The following SMS variants were observed in gnomAD, a reference collection of about 807,000 sequenced individuals.
The protein encoded by SMS is spermine synthase.
SMS carries 3 observed loss-of-function variants against 33.0 expected under a neutral mutation model. That is an observed-to-expected ratio of 0.09 (90% CI 0.04 to 0.23). SMS has a LOEUF of 0.23. Ranked by LOEUF, SMS falls within the 10% of genes least tolerant of loss-of-function variation. The probability of loss-of-function intolerance (pLI) is 1.00; values close to 1 mark genes in which losing one functional copy is unlikely to be tolerated. For synonymous variants in SMS, 103 were observed against 112.2 expected (o/e 0.92, Z 0.52); for missense variants, 117 against 288.6 (o/e 0.41, Z 4.31).
intron 1 of SMS, among the ~76,000 whole-genome samples, chrX:21,942,032 TG>T (rs1327322846): frequency 1.1e-5 from 1 of 94,116 alleles, no homozygotes; most frequent in Admixed American, 1.2e-4. Context: ...TCGTGGGGGG[TG>T]GGAGTCGCGG....
chrX:21,967,369 G>C, intron 2 of SMS, 53 bp downstream of exon 2: 1 of 1,179,707 alleles, frequency 8.5e-7, no homozygotes, highest in Non-Finnish European at 1.2e-6. Context: ...GAGCAGAGAG[G>C]GTGACAGAGT....
intron 7 of SMS, among the ~76,000 whole-genome samples, chrX:21,983,437 G>C (rs1056920712): frequency 1.8e-5 from 2 of 110,086 alleles, no homozygotes; most frequent in Non-Finnish European, 3.8e-5. Context: ...AAAGATGACA[G>C]TAACTCCTGT....
intron 1 of SMS, among the ~76,000 whole-genome samples, chrX:21,953,851 C>G (rs1453768621): frequency 9.6e-6 from 1 of 104,385 alleles, no homozygotes; most frequent in Admixed American, 1.0e-4. Context: ...TAGCTCTTTG[C>G]TTAATTTTTT....
At chrX:21,958,578 A>G (rs1049209821) in intron 1 of SMS, among the ~76,000 whole-genome samples, 2 of 112,671 alleles carry the variant, frequency 1.8e-5, no homozygotes, top group African/African-American at 6.5e-5. Flanking sequence ...CACCTCAAAA[A>G]CAAACCCTGT....
At chrX:21,943,642 T>G (rs1921983655) in intron 1 of SMS, among the ~76,000 whole-genome samples, 2 of 104,251 alleles carry the variant, frequency 1.9e-5, no homozygotes, top group African/African-American at 3.5e-5. Flanking sequence ...TGTGGGGGGG[T>G]GGGGAATGTG....
intron 9 of SMS, among the ~76,000 whole-genome samples, chrX:21,991,028 C>G (rs1925725792): frequency 8.9e-6 from 1 of 112,396 alleles, no homozygotes; most frequent in South Asian, 3.6e-4. Context: ...CCAAGGCCAG[C>G]TCTCAGAATA....
chrX:21,959,821 G>T (rs770587928), intron 1 of SMS: 1 of 415,756 alleles, frequency 2.4e-6, no homozygotes, highest in South Asian at 1.2e-4. Flanking sequence ...GGGAAAGGAT[G>T]CCTGCGTTTG....
chrX:21,977,890 C>A, intron 5 of SMS, 70 bp from the exon 6 acceptor site: 1 of 1,019,737 alleles, frequency 9.8e-7, no homozygotes, highest in Non-Finnish European at 1.4e-6. Flanking sequence ...CCCAGCTCTT[C>A]AGTGTGGTGG....
Position 21,948,804 on chromosome X carries a change from GTT to G in SMS, c.49+7934_49+7935del, listed in dbSNP as rs967326001. On this transcript the variant is annotated intron_variant, in intron 1 of 10. Coordinates refer to ENST00000404933, the MANE Select transcript of SMS (RefSeq NM_004595.5). The stretch of plus-strand genomic sequence containing the variant: ...TTTTTGGAGTCTGCATATTCCAGGT[GTT>G]TTAATTCACTATTTCACTGCAGTTG... Among the ~76,000 whole-genome samples, 4 of 112,077 alleles carry G rather than the reference GTT, an allele frequency of 3.6e-5. No individual in the cohort carries two copies. The Admixed American group carries it at 3.8e-4, about 11-fold the overall frequency.
intron 9 of SMS, among the ~76,000 whole-genome samples, chrX:21,989,521 A>G (rs1304775476): frequency 8.9e-6 from 1 of 112,226 alleles, no homozygotes; most frequent in African/African-American, 3.2e-5. Context: ...AATATGGCCA[A>G]TTAGAATTTG....
chrX:21,943,367 G>A (rs985191882), intron 1 of SMS, among the ~76,000 whole-genome samples: 3 of 111,931 alleles, frequency 2.7e-5, no homozygotes, highest in African/African-American at 9.8e-5. Context: ...ACACTGTCCA[G>A]GAGAACCATG....
rs7059727 is a variant in SMS, at chrX:21,966,875, G to A, written c.50-321G>A. Among the ~76,000 whole-genome samples, 30,650 of 108,912 alleles carry A rather than the reference G, an allele frequency of 0.28. 3,286 individuals are homozygous for A. Among genetic ancestry groups the A allele is most frequent in the Admixed American group, 0.39 (3,901 of 10,127 alleles). The allele number at this position is 108,912 out of a possible 115,157, so 94.6% of individuals were successfully genotyped here. A position where few individuals can be genotyped will look rare whatever the true frequency, so the allele number is the denominator to read the frequency against. On this transcript the variant is annotated intron_variant, in intron 1 of 10. Transcript: ENST00000404933. ...CTGCTTAGGGTGAATATTTTGTTAT[G>A]CTGTCTCTAGGCTGAATATGTCTAC...
chrX:21,983,661 A>T (rs780988795), intron 7 of SMS, among the ~76,000 whole-genome samples: 26 of 111,541 alleles, frequency 2.3e-4, no homozygotes, highest in Admixed American at 5.8e-4. Flanking sequence ...GAGAAATAAC[A>T]TGTTAATAGT....
intron 7 of SMS, among the ~76,000 whole-genome samples, chrX:21,982,336 CAAAA>C (rs11430711): frequency 1.1e-4 from 5 of 46,094 alleles, no homozygotes; most frequent in Admixed American, 5.6e-4. Flanking sequence ...AGACTTGTCT[CAAAA>C]AAAAAAAAAA....
chrX:21,948,416 T>A (rs190580649), intron 1 of SMS, among the ~76,000 whole-genome samples: 1 of 101,986 alleles, frequency 9.8e-6, no homozygotes, highest in African/African-American at 3.7e-5. Flanking sequence ...TCTAATTTAA[T>A]AACCAGTAGT....
intron 1 of SMS, among the ~76,000 whole-genome samples, chrX:21,961,101 A>G (rs758036192): frequency 2.1e-4 from 18 of 86,577 alleles, no homozygotes; most frequent in African/African-American, 8.4e-4. Flanking sequence ...TCCCTGGCCT[A>G]GTAAGGTTGG....
chrX:21,949,684 C>T (rs1434365991), intron 1 of SMS, among the ~76,000 whole-genome samples: 1 of 112,063 alleles, frequency 8.9e-6, no homozygotes, highest in Non-Finnish European at 1.9e-5. Context: ...TGAATTCTCC[C>T]TTCTAGAAGG....
At chrX:21,967,932 G>C (rs1243440327) in intron 2 of SMS, among the ~76,000 whole-genome samples, 1 of 112,493 alleles carries the variant, frequency 8.9e-6, no homozygotes, top group African/African-American at 3.2e-5. Context: ...TTTACCATAG[G>C]AAGCTGCTTA....
At chrX:21,947,867 GAGA>G (rs200625678) in intron 1 of SMS, among the ~76,000 whole-genome samples, 3,255 of 111,657 alleles carry the variant, frequency 0.029, 122 homozygotes, top group African/African-American at 0.1. Flanking sequence ...GACAGCTTTG[GAGA>G]AGACTTTTTT....
Sources: allele counts gnomAD v4.1 joint callset (sites outside exome capture counted in the v4.1 genomes callset), GRCh38; gene constraint gnomAD v4.1.1; transcripts MANE v1.5; gene names NCBI Gene and HGNC (gene_info 2026-07-23, HGNC 2026-07-21).